SEMA5A: variants seen among roughly 807,000 people sequenced by gnomAD.
The protein encoded by SEMA5A is semaphorin-5A.
A neutral mutation model predicts 135.5 loss-of-function variants in SEMA5A; 55 were observed. The observed-to-expected ratio is 0.41, with a 90% CI of 0.33 to 0.51. The LOEUF (loss-of-function observed/expected upper bound fraction) is 0.51. Ranked by LOEUF, SEMA5A falls within the 20% of genes least tolerant of loss-of-function variation. The pLI is 0.37. For synonymous variants in SEMA5A, 580 were observed against 546.5 expected (o/e 1.06, Z -0.85); for missense variants, 1,290 against 1,419.9 (o/e 0.91, Z 1.47).
intron 4 of SEMA5A, among the ~76,000 whole-genome samples, chr5:9,321,886 A>T (rs907107716): frequency 1.3e-5 from 2 of 152,226 alleles, no homozygotes; most frequent in African/African-American, 2.4e-5. Context: ...ACACTATGGT[A>T]TCTGTCTCCA....
chr5:9,216,569 A>G (rs893172486), intron 8 of SEMA5A, among the ~76,000 whole-genome samples: 7 of 152,156 alleles, frequency 4.6e-5, no homozygotes, highest in African/African-American at 9.7e-5. Context: ...TGATCTGTCT[A>G]ATACTGTCAG....
At chr5:9,103,476 A>C (rs1001079646) in intron 16 of SEMA5A, among the ~76,000 whole-genome samples, 5 of 152,134 alleles carry the variant, frequency 3.3e-5, no homozygotes, top group Admixed American at 6.6e-5. Context: ...TATTGATTAT[A>C]ATGTCTTTCT....
At chr5:9,160,357 C>T (rs976100788) in intron 11 of SEMA5A, among the ~76,000 whole-genome samples, 1 of 152,106 alleles carries the variant, frequency 6.6e-6, no homozygotes. Flanking sequence ...CTTGGGCAAA[C>T]AGTGAAGGAC....
intron 1 of SEMA5A, among the ~76,000 whole-genome samples, chr5:9,479,768 G>T (rs1230844374): frequency 6.6e-6 from 1 of 152,162 alleles, no homozygotes; most frequent in South Asian, 2.1e-4. Context: ...CTGTTCGCTG[G>T]AGAGGCACCT....
At chr5:9,274,606 A>C (rs2150549125) in intron 5 of SEMA5A, among the ~76,000 whole-genome samples, 2 of 152,342 alleles carry the variant, frequency 1.3e-5, no homozygotes, top group Middle Eastern at 6.8e-3. Context: ...GCAAATGCAA[A>C]AGAATGGAAA....
intron 16 of SEMA5A, among the ~76,000 whole-genome samples, chr5:9,091,949 G>C (rs1037995803): frequency 1.3e-5 from 2 of 152,224 alleles, no homozygotes; most frequent in African/African-American, 4.8e-5. Context: ...CCTGGCTCAT[G>C]TACAAGGAGC....
At chr5:9,372,698 G>A (rs1755191096) in intron 3 of SEMA5A, among the ~76,000 whole-genome samples, 1 of 152,126 alleles carries the variant, frequency 6.6e-6, no homozygotes, top group South Asian at 2.1e-4. Flanking sequence ...TCACACACGT[G>A]CAGCCATGGG....
intron 1 of SEMA5A, among the ~76,000 whole-genome samples, chr5:9,475,676 A>C (rs1759642722): frequency 6.6e-6 from 1 of 152,204 alleles, no homozygotes; most frequent in Non-Finnish European, 1.5e-5. Flanking sequence ...ATGAAAAATA[A>C]AGTTGATTTA....
Position 9,042,865 on chromosome 5 carries a change from G to A in SEMA5A, c.*32C>T. 1 of 1,612,716 alleles carries A rather than the reference G, an allele frequency of 6.2e-7. No individual in the cohort carries two copies. The highest frequency in any genetic ancestry group is 1.1e-5 in the South Asian group (1 of 90,834). The stretch of plus-strand genomic sequence containing the variant: ...TGGGGCACAGGCCTTGAGGAACTGG[G>A]GATTTACAAGAAGCCAAAAACATGA... On this transcript the variant is annotated 3_prime_UTR_variant, in exon 23 of 23. Coordinates refer to ENST00000382496, the MANE Select transcript of SEMA5A (RefSeq NM_003966.3).
chr5:9,338,358 C>T (rs1188567043), intron 3 of SEMA5A, among the ~76,000 whole-genome samples: 1 of 152,158 alleles, frequency 6.6e-6, no homozygotes, highest in African/African-American at 2.4e-5. Flanking sequence ...GATGAGAAAT[C>T]CACAGTTACT....
chr5:9,366,556 GT>G (rs1240415183), intron 3 of SEMA5A, among the ~76,000 whole-genome samples: 8 of 152,122 alleles, frequency 5.3e-5, no homozygotes, highest in Admixed American at 2.0e-4. Flanking sequence ...GCCCAGCTAA[GT>G]TTTTGTATTT....
chr5:9,540,672 G>A (rs866646253), intron 1 of SEMA5A, among the ~76,000 whole-genome samples: 36 of 152,092 alleles, frequency 2.4e-4, no homozygotes, highest in African/African-American at 7.5e-4. Context: ...AAGGAGTCAC[G>A]GAAGCCAGTT....
chr5:9,237,700 T>G, intron 6 of SEMA5A, 128 bp downstream of exon 6: 1 of 709,490 alleles, frequency 1.4e-6, no homozygotes, highest in South Asian at 2.4e-5. Context: ...CGTATACATA[T>G]TTTGAATCTT....
At chr5:9,226,127 T>C (rs1263891674) in intron 7 of SEMA5A, among the ~76,000 whole-genome samples, 1 of 152,160 alleles carries the variant, frequency 6.6e-6, no homozygotes, top group Non-Finnish European at 1.5e-5. Context: ...CTCCTCCCTT[T>C]ATTTCCAATA....
At chr5:9,091,262 G>T (rs141577644) in intron 16 of SEMA5A, among the ~76,000 whole-genome samples, 25 of 152,320 alleles carry the variant, frequency 1.6e-4, no homozygotes, top group East Asian at 9.6e-4. Flanking sequence ...TGAAGTAAAA[G>T]ATAGAAGCCA....
intron 5 of SEMA5A, among the ~76,000 whole-genome samples, chr5:9,292,182 T>C (rs191003002): frequency 7.9e-5 from 12 of 152,366 alleles, no homozygotes. Context: ...TTTCCCTTTG[T>C]TGAATGCCTG....
At chr5:9,222,059 CT>C (rs971516177) in intron 8 of SEMA5A, among the ~76,000 whole-genome samples, 30 of 152,298 alleles carry the variant, frequency 2.0e-4, no homozygotes, top group East Asian at 1.4e-3. Context: ...GTGGCCCCCC[CT>C]GGGGCTGGAT....
intron 5 of SEMA5A, among the ~76,000 whole-genome samples, chr5:9,289,690 C>G (rs1273851635): frequency 6.6e-6 from 1 of 151,888 alleles, no homozygotes; most frequent in African/African-American, 2.4e-5. Context: ...AATCCAATTA[C>G]ATCATTGGCT....
chr5:9,438,394 G>A (rs1239866968), intron 1 of SEMA5A, among the ~76,000 whole-genome samples: 6 of 152,138 alleles, frequency 3.9e-5, no homozygotes, highest in South Asian at 2.1e-4. Context: ...ATGATGCATC[G>A]TGAAAAACAA....
Sources: allele counts gnomAD v4.1 joint callset (sites outside exome capture counted in the v4.1 genomes callset), GRCh38; gene constraint gnomAD v4.1.1; transcripts MANE v1.5; gene names NCBI Gene and HGNC (gene_info 2026-07-23, HGNC 2026-07-21).